The following OR1A1 variants were observed in gnomAD, a reference collection of about 807,000 sequenced individuals.
The protein encoded by OR1A1 is olfactory receptor 1A1.
For missense variants in OR1A1, 391 were observed against 379.9 expected (o/e 1.03, Z -0.24); for synonymous variants, 145 against 147.8 (o/e 0.98, Z 0.13).
intron 2 of OR1A1, among the ~76,000 whole-genome samples, chr17:3,211,700 G>A (rs1038706826): frequency 6.6e-6 from 1 of 152,060 alleles, no homozygotes; most frequent in Admixed American, 6.6e-5. Context: ...ATCTGGTTTG[G>A]GGTTGCATTA....
chr17:3,217,579 C>A lies in OR1A1; in HGVS notation c.*1029C>A, dbSNP rs1442151834. On this transcript the variant is annotated 3_prime_UTR_variant, in exon 4 of 4. Coordinates refer to ENST00000641732, the MANE Select transcript of OR1A1 (RefSeq NM_014565.3). ...AGCATGGTACTGGTACCAAAACAGA[C>A]ATGTAGCCCAGTGGAACAGAACAGA... The A allele has an allele frequency of 6.6e-6, 1 of 152,162 alleles. No homozygotes were observed. Among genetic ancestry groups the A allele is most frequent in the Admixed American group, 6.6e-5 (1 of 15,256 alleles). The allele number at this position is 152,162 out of a possible 1,614,324, so 9.4% of individuals were successfully genotyped here.
At chr17:3,214,535 GA>G (rs10554992) in intron 3 of OR1A1, 47,823 of 136,234 alleles carry the variant, frequency 0.35, 7,571 homozygotes, top group East Asian at 0.56. Context: ...AAAAAAAAAA[GA>G]AAAAAAAAAA....
At chr17:3,215,356 T>C (rs760543772) in intron 3 of OR1A1, among the ~76,000 whole-genome samples, 2 of 152,226 alleles carry the variant, frequency 1.3e-5, no homozygotes, top group Non-Finnish European at 2.9e-5. Context: ...CGTTTAGTGG[T>C]GGTGCTTGGA....
intron 2 of OR1A1, among the ~76,000 whole-genome samples, chr17:3,209,784 T>C (rs1420632277): frequency 1.3e-5 from 2 of 152,126 alleles, no homozygotes; most frequent in African/African-American, 2.4e-5. Flanking sequence ...TAAATCGATA[T>C]TACAGATACA....
At position 3,217,330 on chromosome 17, in the gene OR1A1, A is replaced by G. The variant is rs1021593158; in HGVS notation, c.*780A>G. 3 of 152,196 alleles carry G rather than the reference A, an allele frequency of 2.0e-5. No individual in the cohort carries two copies. The highest frequency in any genetic ancestry group is 7.2e-5 in the African/African-American group (3 of 41,460). 9.4% of individuals were successfully genotyped at this position (152,196 alleles called of 1,614,324 possible). ...ATCCTCTTTTATACAAAGAATCAAT[A>G]TCATGAAAATGGCCATACTGCCCAA... On this transcript the variant is annotated 3_prime_UTR_variant, in exon 4 of 4. Transcript: ENST00000641732.
intron 2 of OR1A1, among the ~76,000 whole-genome samples, chr17:3,209,284 G>A (rs1217401376): frequency 2.0e-5 from 3 of 151,930 alleles, no homozygotes; most frequent in Non-Finnish European, 2.9e-5. Flanking sequence ...AACATACGAT[G>A]TTTGGTTTTC....
chr17:3,213,456 G>A (rs2048452729), intron 3 of OR1A1: 1 of 152,110 alleles, frequency 6.6e-6, no homozygotes, highest in South Asian at 2.1e-4. Context: ...TGAGAAGTGA[G>A]GATTGAATTA....
chr17:3,210,853 G>A (rs918824102), intron 2 of OR1A1, among the ~76,000 whole-genome samples: 22 of 152,078 alleles, frequency 1.4e-4, no homozygotes, highest in Non-Finnish European at 3.2e-4. Flanking sequence ...TGATCTGCCC[G>A]CCTCAGCCTC....
intron 3 of OR1A1, 68 bp from the exon 4 acceptor site, chr17:3,215,548 G>A (rs916757902): frequency 7.1e-6 from 8 of 1,128,074 alleles, no homozygotes; most frequent in African/African-American, 6.2e-5. Context: ...AAGTGATGGA[G>A]AAGGATTATC....
rs962181219 is a variant in OR1A1 at position 3,208,920 on chromosome 17, T to C, written c.-217T>C. On this transcript the variant is annotated 5_prime_UTR_variant, in exon 2 of 4. Coordinates refer to ENST00000641732, the MANE Select transcript of OR1A1 (RefSeq NM_014565.3). Reference sequence around the variant, plus strand: ...CTTGAGCCACCCAGCTCCATCGCTGTCCTCTGGACCAAATCATCACAGAAC... The same window carrying C: ...CTTGAGCCACCCAGCTCCATCGCTGCCCTCTGGACCAAATCATCACAGAAC... 6.6e-6 allele frequency: 1 copy of C among 152,162 alleles called. No individual in the cohort carries two copies. Among genetic ancestry groups the C allele is most frequent in the Non-Finnish European group, 1.5e-5 (1 of 68,040 alleles). 9.4% of individuals were successfully genotyped at this position (152,162 alleles called of 1,614,324 possible). A position where few individuals can be genotyped will look rare whatever the true frequency, so the allele number is the denominator to read the frequency against.
chr17:3,216,398 C>T lies in OR1A1; in HGVS notation c.778C>T (p.Arg260Cys), dbSNP rs765272168. 2.0e-5 allele frequency: 32 copies of T among 1,614,050 alleles called. No individual in the cohort carries two copies. The highest frequency in any genetic ancestry group is 2.5e-5 in the Non-Finnish European group (29 of 1,180,026). Residue 260 changes from arginine (R) to cysteine (C), a missense_variant, in exon 4 of 4, where the codon CGC (arginine) becomes TGC (cysteine). Transcript: ENST00000641732. Reference sequence around the variant, plus strand: ...TGGTACAGTCATGGGCACGTATTTCCGCCCTTTGACCAATTATAGCCTAAA... The same window carrying T: ...TGGTACAGTCATGGGCACGTATTTCTGCCCTTTGACCAATTATAGCCTAAA... The part of the protein sequence containing the change: ...YYGTVMGTYF[R>C]PLTNYSLKDA...
intron 2 of OR1A1, among the ~76,000 whole-genome samples, chr17:3,211,359 G>A (rs377604334): frequency 1.3e-5 from 2 of 149,986 alleles, no homozygotes; most frequent in African/African-American, 4.9e-5. Flanking sequence ...TTTTGAGTCA[G>A]AATTTTGCTC....
intron 2 of OR1A1, among the ~76,000 whole-genome samples, chr17:3,210,550 T>C (rs749594100): frequency 1.3e-5 from 2 of 152,204 alleles, no homozygotes; most frequent in Non-Finnish European, 2.9e-5. Flanking sequence ...ATGACTTGCC[T>C]GTTCAAGTCT....
In OR1A1 at chr17:3,215,754, T is replaced by A; in HGVS notation, c.134T>A (p.Ile45Asn). 2 of 1,614,160 alleles carry A rather than the reference T, an allele frequency of 1.2e-6. No homozygotes were observed. Among genetic ancestry groups the A allele is most frequent in the Non-Finnish European group, 1.7e-6 (2 of 1,180,034 alleles). Residue 45 changes from isoleucine to asparagine, a missense_variant, in exon 4 of 4, where the codon ATC becomes AAC. Transcript: ENST00000641732. ...ATCACATTGATTGGAAACCTGCTCA[T>A]CGTCCTAGCCATTTGCTCTGATGTT... ...YPITLIGNLL[I>N]VLAICSDVRL...
chr17:3,216,288 C>T lies in OR1A1; in HGVS notation c.668C>T (p.Thr223Ile). The change falls in exon 4 of 4, where the codon ACA becomes ATA. Residue 223 changes from threonine (T) to isoleucine (I), a missense_variant. Transcript: ENST00000641732. The stretch of plus-strand genomic sequence containing the variant: ...GTCTCCTATATTCGAGTCTTCTCCA[C>T]AGTCTTCCAGGTTCCTTCCACCAAG... ...IIVSYIRVFS[T>I]VFQVPSTKGV... is the part of the protein sequence containing the mutation. 2 of 1,614,218 alleles carry T rather than the reference C, an allele frequency of 1.2e-6. No homozygotes were observed. Among genetic ancestry groups the T allele is most frequent in the Non-Finnish European group, 1.7e-6 (2 of 1,180,040 alleles).
chr17:3,210,110 C>G (rs544249232), intron 2 of OR1A1, among the ~76,000 whole-genome samples: 1 of 151,948 alleles, frequency 6.6e-6, no homozygotes, highest in Non-Finnish European at 1.5e-5. Context: ...TAGACCATTT[C>G]TAAGTTTCCC....
At chr17:3,210,579 C>T (rs994377422) in intron 2 of OR1A1, among the ~76,000 whole-genome samples, 2 of 152,184 alleles carry the variant, frequency 1.3e-5, no homozygotes, top group African/African-American at 4.8e-5. Context: ...TTATCTTCTG[C>T]CGTATTGCTG....
rs2048474611 is a variant in OR1A1, at chr17:3,217,210, C to T, written c.*660C>T. On this transcript the variant is annotated 3_prime_UTR_variant, in exon 4 of 4. Coordinates refer to ENST00000641732, the MANE Select transcript of OR1A1 (RefSeq NM_014565.3). ...AAAGGGAATAAAATACCTAGGAATA[C>T]AGCTTACAAGGGACATGAAGGAACT... is the stretch of plus-strand genomic sequence containing the variant. 1 of 152,126 alleles carries T rather than the reference C, an allele frequency of 6.6e-6. No individual in the cohort carries two copies. The highest frequency in any genetic ancestry group is 2.4e-5 in the African/African-American group (1 of 41,418). The allele number at this position is 152,126 out of a possible 1,614,324, so 9.4% of individuals were successfully genotyped here. A position where few individuals can be genotyped will look rare whatever the true frequency, so the allele number is the denominator to read the frequency against.
Position 3,216,556 on chromosome 17 carries a change from G to T in OR1A1, c.*6G>T, listed in dbSNP as rs766602689. ...ACAAGAGAATCTCCTCGTAACCAAT[G>T]TGAGGGCCTACATTGGATACCGTAG... is the stretch of plus-strand genomic sequence containing the variant. On this transcript the variant is annotated 3_prime_UTR_variant, in exon 4 of 4. Coordinates refer to ENST00000641732, the MANE Select transcript of OR1A1 (RefSeq NM_014565.3). 4 of 1,602,588 alleles carry T rather than the reference G, an allele frequency of 2.5e-6. No individual in the cohort carries two copies. The highest frequency in any genetic ancestry group is 1.7e-6 in the Non-Finnish European group (2 of 1,172,586).
Sources: allele counts gnomAD v4.1 joint callset (sites outside exome capture counted in the v4.1 genomes callset), GRCh38; gene constraint gnomAD v4.1.1; transcripts MANE v1.5; gene names NCBI Gene and HGNC (gene_info 2026-07-23, HGNC 2026-07-21).